Variants in CTIF observed in about 807,000 individuals in gnomAD.
CTIF encodes the protein cap binding complex dependent translation initiation factor.
In CTIF, 21 loss-of-function variants were observed where a neutral mutation model predicts 66.0. That is an observed-to-expected ratio of 0.32 (90% CI 0.23 to 0.46). CTIF has a LOEUF of 0.46. CTIF is among the 20% of genes least tolerant of loss of function. The pLI is 1.00. For synonymous variants in CTIF, 345 were observed against 326.4 expected (o/e 1.06, Z -0.62); for missense variants, 739 against 812.7 (o/e 0.91, Z 1.10).
chr18:48,788,953 A>G (rs898371374), intron 9 of CTIF, among the ~76,000 whole-genome samples: 1 of 152,146 alleles, frequency 6.6e-6, no homozygotes, highest in South Asian at 2.1e-4. Flanking sequence ...CCACCATCCA[A>G]TAGCACACCT....
intron 10 of CTIF, among the ~76,000 whole-genome samples, chr18:48,835,321 A>G (rs750236741): frequency 3.9e-5 from 6 of 152,186 alleles, no homozygotes; most frequent in Non-Finnish European, 7.3e-5. Context: ...GATCCTCCAG[A>G]CAACATGTGT....
At chr18:48,842,824 G>T (rs1001075635) in intron 10 of CTIF, among the ~76,000 whole-genome samples, 1 of 152,210 alleles carries the variant, frequency 6.6e-6, no homozygotes. Context: ...CTCCCTCCAC[G>T]GAGACACTTA....
At chr18:48,597,024 C>T (rs530773069) in intron 1 of CTIF, among the ~76,000 whole-genome samples, 1 of 152,298 alleles carries the variant, frequency 6.6e-6, no homozygotes, top group Non-Finnish European at 1.5e-5. Flanking sequence ...ATCATGTGGG[C>T]CCTGCCCCAA....
chr18:48,843,419 C>T lies in CTIF; in HGVS notation c.1528-14169C>T, dbSNP rs916374716. Among the ~76,000 whole-genome samples the T allele has an allele frequency of 3.3e-5, 5 of 152,142 alleles. No individual in the cohort carries two copies. The East Asian group carries it at 9.7e-4, about 29-fold the overall frequency. On this transcript the variant is annotated intron_variant, in intron 10 of 11. Coordinates refer to ENST00000256413, the MANE Select transcript of CTIF (RefSeq NM_014772.3). ...GAGGGCTTGCAGGCTCAGGTGCCGCCTGCGAGCCAGGAGTTCTGATCTCCT... is the reference window on the plus strand; with the variant it reads ...GAGGGCTTGCAGGCTCAGGTGCCGCTTGCGAGCCAGGAGTTCTGATCTCCT...
At chr18:48,825,773 A>G (rs2068571127) in intron 10 of CTIF, among the ~76,000 whole-genome samples, 1 of 152,216 alleles carries the variant, frequency 6.6e-6, no homozygotes, top group South Asian at 2.1e-4. Flanking sequence ...GGCTGGATCC[A>G]TGGGGAATTA....
chr18:48,715,946 C>T (rs1218945323), intron 7 of CTIF, among the ~76,000 whole-genome samples: 1 of 152,214 alleles, frequency 6.6e-6, no homozygotes, highest in African/African-American at 2.4e-5. Context: ...CTTGATACCT[C>T]CATGTCTGTT....
intron 1 of CTIF, among the ~76,000 whole-genome samples, chr18:48,576,767 A>G (rs2089541871): frequency 6.6e-6 from 1 of 152,236 alleles, no homozygotes; most frequent in South Asian, 2.1e-4. Flanking sequence ...ATGCACTTTT[A>G]AAATTCTCCT....
intron 6 of CTIF, among the ~76,000 whole-genome samples, chr18:48,686,357 T>G (rs1469257720): frequency 6.6e-6 from 1 of 152,194 alleles, no homozygotes; most frequent in African/African-American, 2.4e-5. Flanking sequence ...AATGTCCCCA[T>G]TATTCTTTGA....
chr18:48,769,059 G>A (rs1030864359), intron 9 of CTIF, among the ~76,000 whole-genome samples: 4 of 152,034 alleles, frequency 2.6e-5, no homozygotes, highest in Non-Finnish European at 5.9e-5. Context: ...CTCTCCATTC[G>A]CCCTAGTCCC....
chr18:48,680,584 C>T (rs990577310), intron 6 of CTIF, among the ~76,000 whole-genome samples: 2 of 152,270 alleles, frequency 1.3e-5, no homozygotes, highest in African/African-American at 4.8e-5. Flanking sequence ...CACGTCCACC[C>T]GCTTTGATGA....
At chr18:48,820,075 A>G (rs964467652) in intron 10 of CTIF, among the ~76,000 whole-genome samples, 17 of 152,168 alleles carry the variant, frequency 1.1e-4, no homozygotes, top group African/African-American at 3.9e-4. Context: ...TTAAAGGGCT[A>G]CTTGGGCTGA....
chr18:48,828,014 C>T (rs533651404), intron 10 of CTIF, among the ~76,000 whole-genome samples: 38 of 151,712 alleles, frequency 2.5e-4, no homozygotes, highest in Admixed American at 5.3e-4. Context: ...CCTCCACTCC[C>T]GACCCTCTCC....
At chr18:48,805,918 A>G (rs1225845612) in intron 9 of CTIF, among the ~76,000 whole-genome samples, 1 of 152,250 alleles carries the variant, frequency 6.6e-6, no homozygotes, top group Non-Finnish European at 1.5e-5. Flanking sequence ...TTGAACACCT[A>G]CAACGAGCCA....
intron 1 of CTIF, among the ~76,000 whole-genome samples, chr18:48,595,166 G>A (rs549709802): frequency 2.1e-4 from 32 of 152,326 alleles, no homozygotes; most frequent in Admixed American, 4.6e-4. Flanking sequence ...CAGGGGACCT[G>A]GCACCTGGGC....
chr18:48,564,964 C>G (rs535393480), intron 1 of CTIF: 2 of 152,274 alleles, frequency 1.3e-5, no homozygotes, highest in Admixed American at 1.3e-4. Context: ...TGATGCCACC[C>G]TGATATTGAG....
chr18:48,568,636 A>AAAAAAAAAAAG (rs1555646738), intron 1 of CTIF, among the ~76,000 whole-genome samples: 2 of 57,478 alleles, frequency 3.5e-5, no homozygotes, highest in Admixed American at 1.7e-4. Context: ...CAATTTGTAA[A>AAAAAAAAAAAG]AAAAAAAAAA....
intron 10 of CTIF, among the ~76,000 whole-genome samples, chr18:48,854,375 C>T (rs752455589): frequency 6.6e-6 from 1 of 152,120 alleles, no homozygotes; most frequent in South Asian, 2.1e-4. Flanking sequence ...CTATGGAGTG[C>T]GGCCCTTTAA....
intron 1 of CTIF, among the ~76,000 whole-genome samples, chr18:48,576,871 C>T (rs2089545125): frequency 6.6e-6 from 1 of 152,254 alleles, no homozygotes; most frequent in African/African-American, 2.4e-5. Context: ...GGCTTCGCCA[C>T]TGAGGAGAGA....
chr18:48,829,900 C>T (rs1459879109), intron 10 of CTIF, among the ~76,000 whole-genome samples: 1 of 152,232 alleles, frequency 6.6e-6, no homozygotes, highest in Non-Finnish European at 1.5e-5. Flanking sequence ...AGGGAACTAA[C>T]TTTTCTCCTC....
Sources: gnomAD v4.1 joint callset for allele counts (sites outside exome capture counted in the v4.1 genomes callset) on GRCh38, gnomAD v4.1.1 for gene constraint, MANE v1.5 for transcripts, NCBI Gene and HGNC (gene_info 2026-07-23, HGNC 2026-07-21) for gene names.